Variants in ROR1 observed in about 807,000 individuals in gnomAD.
ROR1 encodes the protein ROR family WNT receptor 1, also known as inactive tyrosine-protein kinase transmembrane receptor ROR1.
ROR1 carries 19 observed loss-of-function variants against 78.8 expected under a neutral mutation model. The ratio of observed to expected loss-of-function variants is 0.24; its 90% CI spans 0.17 to 0.35. ROR1 has a LOEUF of 0.35. ROR1 is among the 10% of genes least tolerant of loss of function. ROR1 has a pLI of 1.00. For synonymous variants in ROR1, 386 were observed against 433.6 expected, an observed-to-expected ratio of 0.89 and a Z score of 1.36; for missense variants, 917 against 1,177.8, an observed-to-expected ratio of 0.78 and a Z score of 3.24.
intron 1 of ROR1, among the ~76,000 whole-genome samples, chr1:63,954,651 C>A (rs1052314837): frequency 6.6e-6 from 1 of 152,164 alleles, no homozygotes; most frequent in Non-Finnish European, 1.5e-5. Flanking sequence ...TCTGTACAGG[C>A]ATTTTTTTCT....
Position 63,990,761 on chromosome 1 carries a change from T to C in ROR1, c.92-18544T>C, listed in dbSNP as rs55848838. Reference sequence around the variant, plus strand: ...GTTATGTGTTTACATTAAAAAAAGGTAAAAGCCAGATTCTCTTCCTTTCTT... The same window carrying C: ...GTTATGTGTTTACATTAAAAAAAGGCAAAAGCCAGATTCTCTTCCTTTCTT... On this transcript the variant is annotated intron_variant, in intron 1 of 8. Coordinates refer to ENST00000371079, the MANE Select transcript of ROR1 (RefSeq NM_005012.4). 9.0e-4 allele frequency among the ~76,000 whole-genome samples: 137 copies of C among 151,518 alleles called. 1 individual carries two copies. Among genetic ancestry groups the C allele is most frequent in the African/African-American group, 2.9e-3 (120 of 41,294 alleles).
At chr1:64,164,729 T>A (rs1325467308) in intron 8 of ROR1, among the ~76,000 whole-genome samples, 1 of 152,158 alleles carries the variant, frequency 6.6e-6, no homozygotes, top group African/African-American at 2.4e-5. Flanking sequence ...TTAGTTATTT[T>A]TCCTGATCCT....
intron 1 of ROR1, among the ~76,000 whole-genome samples, chr1:63,877,378 T>G (rs1344390283): frequency 6.6e-6 from 1 of 152,204 alleles, no homozygotes; most frequent in Non-Finnish European, 1.5e-5. Context: ...AGTTTCCTCA[T>G]CTGTCTGATG....
At chr1:64,029,618 G>A (rs61221205) in intron 2 of ROR1, among the ~76,000 whole-genome samples, 131 of 152,250 alleles carry the variant, frequency 8.6e-4, no homozygotes, top group Admixed American at 3.0e-3. Flanking sequence ...GGCCACTGGC[G>A]TCTTGCTCTG....
chr1:63,876,974 T>G (rs1049021917), intron 1 of ROR1, among the ~76,000 whole-genome samples: 1 of 152,142 alleles, frequency 6.6e-6, no homozygotes, highest in Non-Finnish European at 1.5e-5. Context: ...ATTAAACAAC[T>G]CTACCTGGTA....
At chr1:64,091,692 C>A (rs910311159) in intron 4 of ROR1, among the ~76,000 whole-genome samples, 1 of 152,098 alleles carries the variant, frequency 6.6e-6, no homozygotes, top group Non-Finnish European at 1.5e-5. Context: ...TAACCACAGC[C>A]ACCATTATAT....
At chr1:64,099,383 A>C (rs1647428490) in intron 4 of ROR1, among the ~76,000 whole-genome samples, 1 of 152,066 alleles carries the variant, frequency 6.6e-6, no homozygotes, top group African/African-American at 2.4e-5. Flanking sequence ...CCCTCAGTAA[A>C]TATGAATAGC....
chr1:63,941,536 CTTTGGACAAGT>C (rs1645840452), intron 1 of ROR1, among the ~76,000 whole-genome samples: 1 of 152,210 alleles, frequency 6.6e-6, no homozygotes, highest in African/African-American at 2.4e-5. Flanking sequence ...AGCTGTCTTA[CTTTGGACAAGT>C]CACTGAGCCT....
intron 1 of ROR1, among the ~76,000 whole-genome samples, chr1:63,791,218 C>T (rs1447450522): frequency 6.6e-6 from 1 of 151,930 alleles, no homozygotes. Context: ...TTGTGGGCAG[C>T]GTGAAAACAA....
intron 2 of ROR1, among the ~76,000 whole-genome samples, chr1:64,014,603 G>A (rs1192334845): frequency 1.4e-5 from 2 of 146,586 alleles, no homozygotes; most frequent in Non-Finnish European, 3.0e-5. Flanking sequence ...TTTGGAGAAG[G>A]GGCTGGAAAT....
At chr1:64,140,012 C>T in intron 5 of ROR1, 97 bp from the exon 6 acceptor site, 2 of 1,119,764 alleles carry the variant, frequency 1.8e-6, no homozygotes, top group Non-Finnish European at 1.3e-6. Flanking sequence ...ACGGCGGATT[C>T]CTTGCAATGT....
At chr1:63,973,311 C>T (rs11804334) in intron 1 of ROR1, among the ~76,000 whole-genome samples, 3,857 of 152,254 alleles carry the variant, frequency 0.025, 165 homozygotes, top group African/African-American at 0.088. Context: ...GAAGATCAAA[C>T]GCTCCCCCTG....
rs777991189 is a variant in ROR1, at chr1:64,178,559, G to A, written c.2518G>A (p.Gly840Ser). The A allele has an allele frequency of 7.4e-6, 12 of 1,614,108 alleles. No homozygotes were observed. Among genetic ancestry groups the A allele is most frequent in the Non-Finnish European group, 1.0e-5 (12 of 1,180,028 alleles). Reference protein sequence around the residue: ...AFPAAHYQPTGPPRVIQHCPP... With the variant: ...AFPAAHYQPTSPPRVIQHCPP... Reference sequence around the variant, plus strand: ...TCCAGCTGCCCACTACCAGCCAACAGGTCCTCCCAGAGTGATTCAGCACTG... The same window carrying A: ...TCCAGCTGCCCACTACCAGCCAACAAGTCCTCCCAGAGTGATTCAGCACTG... Residue 840 changes from glycine to serine, a missense_variant, in exon 9 of 9, where the codon GGT (glycine) becomes AGT (serine). By Grantham distance (56) the Gly-to-Ser change is moderately conservative (BLOSUM62 0). This residue lies in a region of ROR1 where 835 missense variants were observed against 1,069.8 expected (regional missense o/e 0.78). Transcript: ENST00000371079. The surrounding 1 kb of genome is among the most constrained non-coding windows in gnomAD (Gnocchi z 4.3).
At chr1:63,860,862 T>G (rs1409596261) in intron 1 of ROR1, among the ~76,000 whole-genome samples, 1 of 152,032 alleles carries the variant, frequency 6.6e-6, no homozygotes, top group Non-Finnish European at 1.5e-5. Flanking sequence ...GCAAATAGTG[T>G]TTTTGAGTAA....
At chr1:63,945,331 A>G (rs1056648764) in intron 1 of ROR1, among the ~76,000 whole-genome samples, 2 of 151,956 alleles carry the variant, frequency 1.3e-5, no homozygotes, top group Non-Finnish European at 2.9e-5. Flanking sequence ...ACGGAACAAT[A>G]TTTTCTGTGT....
At chr1:64,085,582 A>G (rs1647145910) in intron 4 of ROR1, among the ~76,000 whole-genome samples, 2 of 152,078 alleles carry the variant, frequency 1.3e-5, no homozygotes, top group African/African-American at 2.4e-5. Flanking sequence ...CCGACCCCAA[A>G]ATGCTTTTCA....
At chr1:64,052,250 T>G (rs1646839376) in intron 4 of ROR1, among the ~76,000 whole-genome samples, 1 of 151,976 alleles carries the variant, frequency 6.6e-6, no homozygotes, top group Non-Finnish European at 1.5e-5. Context: ...GAAGTCTTAG[T>G]TAAACAAAGA....
intron 4 of ROR1, among the ~76,000 whole-genome samples, chr1:64,094,169 T>C (rs142176239): frequency 6.6e-6 from 1 of 152,330 alleles, no homozygotes; most frequent in East Asian, 1.9e-4. Context: ...CTTAAATAAC[T>C]ACCATAGACT....
intron 1 of ROR1, among the ~76,000 whole-genome samples, chr1:63,929,017 A>G (rs1645730552): frequency 6.6e-6 from 1 of 152,228 alleles, no homozygotes; most frequent in African/African-American, 2.4e-5. Context: ...GAAAAGGATT[A>G]GTATTTAAAG....
Sources: gnomAD v4.1 joint callset for allele counts (sites outside exome capture counted in the v4.1 genomes callset) on GRCh38, gnomAD v4.1.1 for gene constraint, gnomAD v4.1.1 regional missense constraint, Gnocchi (gnomAD v3.1) non-coding constraint, MANE v1.5 for transcripts, NCBI Gene and HGNC (gene_info 2026-07-23, HGNC 2026-07-21) for gene names.